ITFG1: variants seen among roughly 807,000 people sequenced by gnomAD.
ITFG1 encodes the protein integrin alpha FG-GAP repeat containing 1, also known as T-cell immunomodulatory protein.
Under a neutral mutation model 81.8 loss-of-function variants are expected in ITFG1, and 34 were observed. The observed-to-expected ratio is 0.42, with a 90% CI of 0.32 to 0.55. ITFG1 has a LOEUF of 0.55. Ranked by LOEUF, ITFG1 falls within the 20% of genes least tolerant of loss-of-function variation. The pLI is 0.17. For synonymous variants in ITFG1, 285 were observed against 270.6 expected, an observed-to-expected ratio of 1.05 and a Z score of -0.52; for missense variants, 672 against 755.4, an observed-to-expected ratio of 0.89 and a Z score of 1.29.
chr16:47,168,628 G>A (rs2151509163), intron 14 of ITFG1, among the ~76,000 whole-genome samples: 1 of 145,528 alleles, frequency 6.9e-6, no homozygotes, highest in South Asian at 2.3e-4. Flanking sequence ...GCTCAAGCAA[G>A]CCTTATGCTG....
chr16:47,426,144 T>G (rs1000986498), intron 6 of ITFG1: 1 of 152,152 alleles, frequency 6.6e-6, no homozygotes, highest in African/African-American at 2.4e-5. Flanking sequence ...GAATTTCATG[T>G]AGGGCCATTC....
At chr16:47,207,783 C>A (rs998512401) in intron 14 of ITFG1, among the ~76,000 whole-genome samples, 1 of 144,880 alleles carries the variant, frequency 6.9e-6, no homozygotes, top group African/African-American at 2.5e-5. Flanking sequence ...TCTCTCTCCC[C>A]ACCCTCCCGC....
intron 14 of ITFG1, among the ~76,000 whole-genome samples, chr16:47,198,294 C>T (rs146831479): frequency 6.6e-6 from 1 of 152,276 alleles, no homozygotes; most frequent in African/African-American, 2.4e-5. Context: ...CAATGGACCA[C>T]ATAAAAGATG....
intron 14 of ITFG1, among the ~76,000 whole-genome samples, chr16:47,216,867 A>G (rs1965631499): frequency 6.6e-6 from 1 of 152,118 alleles, no homozygotes; most frequent in Admixed American, 6.5e-5. Context: ...CATGTTGGCC[A>G]GGCTGGTCTT....
intron 8 of ITFG1, among the ~76,000 whole-genome samples, chr16:47,330,106 A>G (rs1242677012): frequency 1.3e-5 from 2 of 152,118 alleles, no homozygotes; most frequent in East Asian, 3.8e-4. Flanking sequence ...AGGCATGCCA[A>G]TGGAACAGAA....
chr16:47,186,261 G>C (rs1965213715), intron 14 of ITFG1, among the ~76,000 whole-genome samples: 1 of 152,196 alleles, frequency 6.6e-6, no homozygotes, highest in African/African-American at 2.4e-5. Context: ...CTCATTTTAT[G>C]AGGCCAGCAT....
chr16:47,403,199 A>G (rs1596960207), intron 6 of ITFG1, among the ~76,000 whole-genome samples: 1 of 150,942 alleles, frequency 6.6e-6, no homozygotes. Context: ...ACTTAATTAC[A>G]CCAAGCCAAC....
intron 13 of ITFG1, among the ~76,000 whole-genome samples, chr16:47,221,614 G>C (rs1315806143): frequency 6.6e-6 from 1 of 152,160 alleles, no homozygotes; most frequent in East Asian, 1.9e-4. Flanking sequence ...AGTTAGGGAG[G>C]ATTCCCTCTT....
chr16:47,378,344 C>T (rs184693002), intron 6 of ITFG1, among the ~76,000 whole-genome samples: 66 of 152,268 alleles, frequency 4.3e-4, no homozygotes, highest in Admixed American at 2.8e-3. Context: ...AGGCAGTTAG[C>T]GTCATGGGAT....
intron 13 of ITFG1, among the ~76,000 whole-genome samples, chr16:47,235,953 G>C (rs1052818092): frequency 6.6e-5 from 10 of 152,156 alleles, no homozygotes; most frequent in Non-Finnish European, 7.3e-5. Context: ...ATGGTGAAGG[G>C]CAGCTTAACA....
intron 10 of ITFG1, among the ~76,000 whole-genome samples, chr16:47,284,564 A>G (rs1966862961): frequency 6.6e-6 from 1 of 152,218 alleles, no homozygotes; most frequent in African/African-American, 2.4e-5. Context: ...CACAATAAAT[A>G]CAATCCAAAC....
chr16:47,381,535 T>A (rs1287947817), intron 6 of ITFG1, among the ~76,000 whole-genome samples: 1 of 152,138 alleles, frequency 6.6e-6, no homozygotes, highest in African/African-American at 2.4e-5. Flanking sequence ...CTGGAGACAT[T>A]TCCACAAAGA....
chr16:47,244,591 T>TTGTGTGTGTGTGTGTGTG (rs57470225), intron 12 of ITFG1, among the ~76,000 whole-genome samples: 2 of 118,146 alleles, frequency 1.7e-5, no homozygotes, highest in African/African-American at 6.5e-5. Context: ...ATTCCATCTT[T>TTGTGTGTGTGTGTGTGTG]TGTGTGTGTG....
chr16:47,419,358 T>A (rs1968912734), intron 6 of ITFG1, among the ~76,000 whole-genome samples: 1 of 151,932 alleles, frequency 6.6e-6, no homozygotes, highest in African/African-American at 2.4e-5. Flanking sequence ...AGCCTCAACC[T>A]CCCAAGCTCA....
chr16:47,184,793 G>A (rs1176577721), intron 14 of ITFG1, among the ~76,000 whole-genome samples: 1 of 151,946 alleles, frequency 6.6e-6, no homozygotes, highest in Non-Finnish European at 1.5e-5. Context: ...AACTTTAAAT[G>A]TAAATGGACT....
chr16:47,280,471 T>C (rs141106074), intron 10 of ITFG1, among the ~76,000 whole-genome samples: 1 of 152,286 alleles, frequency 6.6e-6, no homozygotes, highest in Admixed American at 6.5e-5. Context: ...TGGTGTATTA[T>C]TTTTGATATA....
At chr16:47,383,005 T>C (rs1022311085) in intron 6 of ITFG1, among the ~76,000 whole-genome samples, 37 of 152,238 alleles carry the variant, frequency 2.4e-4, no homozygotes, top group African/African-American at 8.7e-4. Flanking sequence ...GTTAAATATA[T>C]GTATCAAGTG....
chr16:47,392,824 G>T (rs924538176), intron 6 of ITFG1, among the ~76,000 whole-genome samples: 1 of 152,144 alleles, frequency 6.6e-6, no homozygotes, highest in Non-Finnish European at 1.5e-5. Context: ...TCTGACACTG[G>T]TCTCACAAAA....
chr16:47,228,488 C>G (rs1480127177), intron 13 of ITFG1, among the ~76,000 whole-genome samples: 1 of 152,152 alleles, frequency 6.6e-6, no homozygotes, highest in Non-Finnish European at 1.5e-5. Context: ...TCCTGAGTAC[C>G]CGGGATTACA....
Sources: gnomAD v4.1 joint callset for allele counts (sites outside exome capture counted in the v4.1 genomes callset) on GRCh38, gnomAD v4.1.1 for gene constraint, MANE v1.5 for transcripts, NCBI Gene and HGNC (gene_info 2026-07-23, HGNC 2026-07-21) for gene names.